PRKD2: variants seen among roughly 807,000 people sequenced by gnomAD.
The protein encoded by PRKD2 is protein kinase D2.
PRKD2 carries 22 observed loss-of-function variants against 86.0 expected under a neutral mutation model. The ratio of observed to expected loss-of-function variants is 0.26; its 90% CI spans 0.18 to 0.37. PRKD2 has a LOEUF of 0.37. Among genes scored for constraint, PRKD2 ranks in the 10% least tolerant of loss-of-function variants. PRKD2 has a pLI of 1.00. For synonymous variants in PRKD2, 509 were observed against 510.9 expected, an observed-to-expected ratio of 1.00 and a Z score of 0.05; for missense variants, 818 against 1,199.2, an observed-to-expected ratio of 0.68 and a Z score of 4.70.
chr19:46,706,005 A>G (rs1433599278), intron 3 of PRKD2, among the ~76,000 whole-genome samples: 1 of 151,676 alleles, frequency 6.6e-6, no homozygotes, highest in Non-Finnish European at 1.5e-5. Flanking sequence ...CCACAGACAT[A>G]CACTACCATG....
At chr19:46,695,867 C>T (rs1416219347) in intron 9 of PRKD2, among the ~76,000 whole-genome samples, 1 of 152,068 alleles carries the variant, frequency 6.6e-6, no homozygotes, top group Non-Finnish European at 1.5e-5. Context: ...GAGATGGAGT[C>T]TTGCTCTGTT....
chr19:46,714,267 C>A lies in PRKD2; in HGVS notation c.241-266G>T, dbSNP rs980181410. 154 of 1,234,488 alleles carry A rather than the reference C, an allele frequency of 1.2e-4. No homozygotes were observed. The Middle Eastern group carries it at 1.3e-3, about 11-fold the overall frequency. 76.5% of individuals were successfully genotyped at this position (1,234,488 alleles called of 1,614,324 possible). ...GTGGGAGGGAGAGTGGCTCCGGGAG[C>A]GTGGACACCTCGAATTTTCCGGAAC... On this transcript the variant is annotated intron_variant, in intron 1 of 17. Transcript: ENST00000291281.
At chr19:46,701,383 G>A (rs1335048779) in intron 5 of PRKD2, among the ~76,000 whole-genome samples, 1 of 151,866 alleles carries the variant, frequency 6.6e-6, no homozygotes, top group Non-Finnish European at 1.5e-5. Context: ...TATTTTGGGA[G>A]GCCGGGGAGA....
At chr19:46,711,120 A>G (rs1599843150) in intron 2 of PRKD2, 82 bp from the exon 3 acceptor site, 5 of 1,481,980 alleles carry the variant, frequency 3.4e-6, no homozygotes, top group Admixed American at 2.1e-5. Context: ...GATTTCTCAC[A>G]GTGCTCCCAG....
chr19:46,678,595 G>C lies in PRKD2; in HGVS notation c.2139C>G (p.Gly713=). Residue 713 remains glycine (G), a synonymous_variant, in exon 16 of 18, where the codon GGC becomes GGG. Transcript: ENST00000291281. The surrounding 1 kb of genome is among the most constrained non-coding windows in gnomAD (Gnocchi z 5.7). The part of the protein sequence containing the change: ...GEKSFRRSVV[G]TPAYLAPEVL... ...CCTCGGGTGCCAGGTAGGCCGGCGT[G>C]CCCACCACTGAGCGGCGGAACGACT... The C allele has an allele frequency of 6.2e-7, 1 of 1,613,514 alleles. No individual in the cohort carries two copies. The highest frequency in any genetic ancestry group is 8.5e-7 in the Non-Finnish European group (1 of 1,180,036).
rs79601582 is a variant in PRKD2, at chr19:46,676,061, C to T, written c.2339-943G>A. ...GGCTTCAGCCACTGCGCCTGACCAA[C>T]TTATGATATTTTCAATTTACAATGG... On this transcript the variant is annotated intron_variant, in intron 16 of 17. Transcript: ENST00000291281. 2.8e-4 allele frequency among the ~76,000 whole-genome samples: 43 copies of T among 152,294 alleles called. No homozygotes were observed. In the East Asian group the frequency reaches 8.1e-3, roughly 29 times the overall value.
intron 16 of PRKD2, among the ~76,000 whole-genome samples, chr19:46,676,617 C>T (rs781421910): frequency 1.8e-3 from 267 of 152,328 alleles, no homozygotes; most frequent in Non-Finnish European, 1.6e-3. Context: ...ACTGTATGAA[C>T]CCATCCGAGG....
intron 14 of PRKD2, among the ~76,000 whole-genome samples, chr19:46,689,246 C>G (rs2053448314): frequency 6.6e-6 from 1 of 150,982 alleles, no homozygotes; most frequent in African/African-American, 2.4e-5. Flanking sequence ...CTCAGCCTCC[C>G]GAGTAGCTGG....
chr19:46,690,194 T>C (rs946861539), intron 13 of PRKD2, among the ~76,000 whole-genome samples: 44 of 151,540 alleles, frequency 2.9e-4, no homozygotes, highest in Non-Finnish European at 2.4e-4. Context: ...GCCTAACCCC[T>C]CTCTCCCACC....
At chr19:46,686,502 T>G (rs983049717) in intron 14 of PRKD2, among the ~76,000 whole-genome samples, 5 of 121,306 alleles carry the variant, frequency 4.1e-5, no homozygotes, top group Non-Finnish European at 8.6e-5. Context: ...AAAAAAAAAA[T>G]TAGCTGGACG....
chr19:46,687,405 A>AGC (rs1161502976), intron 14 of PRKD2, among the ~76,000 whole-genome samples: 7 of 118,908 alleles, frequency 5.9e-5, no homozygotes. Flanking sequence ...AAAACAAACA[A>AGC]AAAGCACAGG....
At chr19:46,690,762 C>A (rs2053472344) in intron 12 of PRKD2, 56 bp from the exon 13 acceptor site, 4 of 1,493,392 alleles carry the variant, frequency 2.7e-6, no homozygotes, top group Middle Eastern at 1.7e-4. Flanking sequence ...CCAGTCCTGG[C>A]AGGAGTATCT....
chr19:46,678,883 C>G lies in PRKD2; in HGVS notation c.2071-220G>C, dbSNP rs2053253946. On this transcript the variant is annotated intron_variant, in intron 15 of 17. Transcript: ENST00000291281. This position sits in a 1 kb window ranked among gnomAD's most constrained non-coding sequence, Gnocchi z 5.7. Reference sequence around the variant, plus strand: ...AAGAAGAGCAGAAGAGCACCTATCTCAGAGGACTGCCATGATGGTTAGTGA... The same window carrying G: ...AAGAAGAGCAGAAGAGCACCTATCTGAGAGGACTGCCATGATGGTTAGTGA... Among the ~76,000 whole-genome samples the G allele has an allele frequency of 6.6e-6, 1 of 152,172 alleles. No individual in the cohort carries two copies. Among genetic ancestry groups the G allele is most frequent in the South Asian group, 2.1e-4 (1 of 4,832 alleles).
intron 13 of PRKD2, among the ~76,000 whole-genome samples, chr19:46,689,914 T>C (rs2053459217): frequency 6.6e-6 from 1 of 152,226 alleles, no homozygotes; most frequent in Non-Finnish European, 1.5e-5. Context: ...TTTCTTTCTA[T>C]TTAAATATAG....
At chr19:46,697,273 T>C (rs1177290815) in intron 8 of PRKD2, 39 bp from the exon 9 acceptor site, 1 of 1,473,384 alleles carries the variant, frequency 6.8e-7, no homozygotes. Context: ...ACCGCCAGAC[T>C]TTCCTGCCCA....
In PRKD2 at chr19:46,691,985, C is replaced by T. The variant is rs202076996; in HGVS notation, c.1577G>A (p.Arg526Lys). 8.7e-6 allele frequency: 14 copies of T among 1,613,634 alleles called. No homozygotes were observed. Among genetic ancestry groups the T allele is most frequent in the Middle Eastern group, 3.3e-4 (2 of 6,084 alleles). ...CACAGAGATGCTCAGAGAAGCTTGT[C>T]CTAGGGAGAGGGGAGAGACAGAGGT... ...APSAPGHAPHRQASLSISVSN... is the reference protein window; with the variant it reads ...APSAPGHAPHKQASLSISVSN... The change falls in exon 11 of 18, where the codon AGA becomes AAA. Residue 526 changes from arginine (R) to lysine (K), a missense_variant and splice_region_variant. Arg to Lys is a conservative substitution (Grantham distance 26, BLOSUM62 2). Around this residue, in one of 5 missense-constraint regions of PRKD2, gnomAD observed 154 missense variants for 359.6 expected, o/e 0.43. Coordinates refer to ENST00000291281, the MANE Select transcript of PRKD2 (RefSeq NM_016457.5).
At chr19:46,703,108 A>C (rs927070512) in intron 5 of PRKD2, among the ~76,000 whole-genome samples, 1 of 152,148 alleles carries the variant, frequency 6.6e-6, no homozygotes, top group Non-Finnish European at 1.5e-5. Context: ...TGATGTGCCT[A>C]TGTTTCTATT....
At chr19:46,713,257 G>A (rs1438578531) in intron 2 of PRKD2, among the ~76,000 whole-genome samples, 2 of 149,086 alleles carry the variant, frequency 1.3e-5, no homozygotes, top group Non-Finnish European at 1.5e-5. Flanking sequence ...AAACTCCTGG[G>A]CTCCAGCGAT....
intron 9 of PRKD2, 74 bp downstream of exon 9, chr19:46,697,083 G>C: frequency 2.5e-6 from 3 of 1,183,602 alleles, no homozygotes; most frequent in Non-Finnish European, 3.8e-6. Flanking sequence ...GGAGTAACTG[G>C]GGGTAGGAGG....
Sources: gnomAD v4.1 joint callset for allele counts (sites outside exome capture counted in the v4.1 genomes callset) on GRCh38, gnomAD v4.1.1 for gene constraint, gnomAD v4.1.1 regional missense constraint, Gnocchi (gnomAD v3.1) non-coding constraint, MANE v1.5 for transcripts, NCBI Gene and HGNC (gene_info 2026-07-23, HGNC 2026-07-21) for gene names.